Variants in RAD51B observed in about 807,000 individuals in gnomAD.
RAD51B encodes the protein RAD51 paralog B.
A neutral mutation model predicts 42.2 loss-of-function variants in RAD51B; 38 were observed. The observed-to-expected ratio is 0.90, with a 90% CI of 0.70 to 1.18. The LOEUF (loss-of-function observed/expected upper bound fraction) is 1.18. Ranked by LOEUF, RAD51B falls within the 50% of genes most tolerant of loss-of-function variation. The probability of loss-of-function intolerance (pLI) is 0.00; values close to 1 mark genes in which losing one functional copy is unlikely to be tolerated. For synonymous variants in RAD51B, 154 were observed against 145.2 expected (o/e 1.06, Z -0.43); for missense variants, 373 against 400.7 (o/e 0.93, Z 0.59).
At chr14:68,254,892 G>A (rs1272439197) in intron 7 of RAD51B, among the ~76,000 whole-genome samples, 3 of 152,100 alleles carry the variant, frequency 2.0e-5, no homozygotes, top group Admixed American at 6.6e-5. Flanking sequence ...TAATCAAGAG[G>A]CAATTTAGGA....
At chr14:67,845,063 C>T (rs1167680159) in intron 4 of RAD51B, among the ~76,000 whole-genome samples, 1 of 152,188 alleles carries the variant, frequency 6.6e-6, no homozygotes, top group Non-Finnish European at 1.5e-5. Context: ...TCCAACTTGC[C>T]ACTCTGTGCC....
At chr14:68,409,596 G>A (rs1236541204) in intron 8 of RAD51B, among the ~76,000 whole-genome samples, 3 of 152,176 alleles carry the variant, frequency 2.0e-5, no homozygotes, top group Admixed American at 6.5e-5. Context: ...CCAAGGAAGG[G>A]GGAAGCTTTA....
intron 7 of RAD51B, among the ~76,000 whole-genome samples, chr14:68,176,039 G>C (rs2078956378): frequency 6.6e-6 from 1 of 152,142 alleles, no homozygotes; most frequent in Non-Finnish European, 1.5e-5. Flanking sequence ...TAAATGGCCA[G>C]ACATGTGCTA....
intron 7 of RAD51B, among the ~76,000 whole-genome samples, chr14:68,175,509 C>A (rs2078947326): frequency 6.6e-6 from 1 of 152,098 alleles, no homozygotes; most frequent in Non-Finnish European, 1.5e-5. Flanking sequence ...CTACGAAATA[C>A]CTATTTTTGG....
chr14:68,589,417 C>T (rs1387471410), intron 10 of RAD51B, among the ~76,000 whole-genome samples: 1 of 152,168 alleles, frequency 6.6e-6, no homozygotes, highest in Non-Finnish European at 1.5e-5. Context: ...ACCAGGCTAC[C>T]TCAGTGAGTT....
intron 7 of RAD51B, among the ~76,000 whole-genome samples, chr14:67,937,607 T>A (rs1178732693): frequency 1.3e-5 from 2 of 152,166 alleles, no homozygotes; most frequent in Non-Finnish European, 2.9e-5. Flanking sequence ...GAAAATGAAG[T>A]GTGTCTTTGA....
chr14:68,055,763 G>A (rs543058338), intron 7 of RAD51B, among the ~76,000 whole-genome samples: 1 of 152,282 alleles, frequency 6.6e-6, no homozygotes, highest in South Asian at 2.1e-4. Flanking sequence ...CTTCTGTGTT[G>A]GTCACTCGTA....
intron 4 of RAD51B, among the ~76,000 whole-genome samples, chr14:67,847,277 C>G (rs922466433): frequency 3.9e-4 from 58 of 149,390 alleles, no homozygotes; most frequent in Admixed American, 2.6e-3. Context: ...GGTCTTCTCT[C>G]TAATTTTAGG....
chr14:68,173,551 G>T (rs2078911747), intron 7 of RAD51B, among the ~76,000 whole-genome samples: 2 of 152,318 alleles, frequency 1.3e-5, no homozygotes, highest in African/African-American at 2.4e-5. Flanking sequence ...GGATTCCTGG[G>T]TCTTGGCACC....
chr14:68,424,864 T>C (rs1360346624), intron 9 of RAD51B, among the ~76,000 whole-genome samples: 2 of 152,074 alleles, frequency 1.3e-5, no homozygotes, highest in East Asian at 3.9e-4. Flanking sequence ...AGCCTTGAAC[T>C]CCTGAGCTCA....
intron 10 of RAD51B, among the ~76,000 whole-genome samples, chr14:68,550,103 C>G (rs536173884): frequency 2.0e-5 from 3 of 152,226 alleles, no homozygotes; most frequent in Non-Finnish European, 4.4e-5. Flanking sequence ...TGCCCCCTTT[C>G]ACTCACTGGA....
chr14:68,267,018 A>C (rs907614099), intron 7 of RAD51B, among the ~76,000 whole-genome samples: 1 of 152,252 alleles, frequency 6.6e-6, no homozygotes, highest in Non-Finnish European at 1.5e-5. Context: ...TCAGCTCTAA[A>C]GTCGGAGACC....
At position 68,505,719 on chromosome 14, in the gene RAD51B, T is replaced by C. The variant is rs186233446; in HGVS notation, c.1036+37469T>C. On this transcript the variant is annotated intron_variant, in intron 10 of 10. Transcript: ENST00000487270. ...GCATGCACCACCATGCCTGGCCAAC[T>C]TTTTTGTATTTTTAATAGAGATGGG... 1.6e-3 allele frequency among the ~76,000 whole-genome samples: 242 copies of C among 152,002 alleles called. 1 individual carries two copies. The highest frequency in any genetic ancestry group is 5.0e-3 in the African/African-American group (206 of 41,444).
chr14:68,174,314 G>A (rs1392968546), intron 7 of RAD51B, among the ~76,000 whole-genome samples: 1 of 151,620 alleles, frequency 6.6e-6, no homozygotes, highest in African/African-American at 2.4e-5. Flanking sequence ...GAGTTCCAGG[G>A]TGTAGTGGAG....
At chr14:68,437,161 G>C (rs2085166612) in intron 9 of RAD51B, among the ~76,000 whole-genome samples, 1 of 152,092 alleles carries the variant, frequency 6.6e-6, no homozygotes, top group Non-Finnish European at 1.5e-5. Flanking sequence ...GTTTGTTATA[G>C]ATGACTCTAT....
At chr14:67,953,833 G>A (rs2074499110) in intron 7 of RAD51B, among the ~76,000 whole-genome samples, 1 of 152,056 alleles carries the variant, frequency 6.6e-6, no homozygotes, top group Non-Finnish European at 1.5e-5. Context: ...GAGCTGATTT[G>A]GGAAATTAAG....
intron 10 of RAD51B, among the ~76,000 whole-genome samples, chr14:68,635,231 TC>T (rs1892318576): frequency 1.3e-5 from 2 of 152,150 alleles, no homozygotes; most frequent in Admixed American, 1.3e-4. Flanking sequence ...TGGATGGGGC[TC>T]CTCAGCCCCA....
intron 10 of RAD51B, 120 bp downstream of exon 10, chr14:68,468,370 G>A: frequency 9.6e-7 from 1 of 1,039,758 alleles, no homozygotes; most frequent in African/African-American, 1.6e-5. Flanking sequence ...AAACCAAGAT[G>A]CATTGGCCAG....
At chr14:67,896,471 A>G (rs1353919186) in intron 7 of RAD51B, among the ~76,000 whole-genome samples, 1 of 152,198 alleles carries the variant, frequency 6.6e-6, no homozygotes, top group Admixed American at 6.5e-5. Context: ...TGGGAATTTA[A>G]CATCAGTGCT....
Sources: allele counts gnomAD v4.1 joint callset (sites outside exome capture counted in the v4.1 genomes callset), GRCh38; gene constraint gnomAD v4.1.1; transcripts MANE v1.5; gene names NCBI Gene and HGNC (gene_info 2026-07-23, HGNC 2026-07-21).